Variants in CEACAM1 observed in about 807,000 individuals in gnomAD.
CEACAM1 encodes CEA cell adhesion molecule 1, also known as cell adhesion molecule CEACAM1.
A neutral mutation model predicts 49.1 loss-of-function variants in CEACAM1; 31 were observed. That is an observed-to-expected ratio of 0.63 (90% CI 0.47 to 0.85). The LOEUF (loss-of-function observed/expected upper bound fraction) is 0.85, where lower values mean the gene tolerates loss of function less well. Ranked by LOEUF, CEACAM1 falls within the 40% of genes least tolerant of loss-of-function variation. CEACAM1 has a pLI of 0.00. For synonymous variants in CEACAM1, 244 were observed against 247.8 expected, an observed-to-expected ratio of 0.98 and a Z score of 0.14; for missense variants, 570 against 645.3, an observed-to-expected ratio of 0.88 and a Z score of 1.26.
Position 42,527,504 on chromosome 19 carries a change from A to AGAGTGT in CEACAM1, c.65-105_65-104insACACTC, listed in dbSNP as rs1360275105. On this transcript the variant is annotated intron_variant, in intron 1 of 8. Coordinates refer to ENST00000161559, the MANE Select transcript of CEACAM1 (RefSeq NM_001712.5). Reference sequence around the variant, plus strand: ...AGGTGTCTTCACCCCTCCACCTTGGAGTGTGTGTGTGTGTGTGTGTGTGTG... The same window carrying AGAGTGT: ...AGGTGTCTTCACCCCTCCACCTTGGAGAGTGTGTGTGTGTGTGTGTGTGTGTGTGTG... 7.0e-5 allele frequency: 50 copies of AGAGTGT among 715,622 alleles called. No individual in the cohort carries two copies. In the South Asian group the frequency reaches 1.1e-3, roughly 16 times the overall value. 44.3% of individuals were successfully genotyped at this position (715,622 alleles called of 1,614,324 possible).
chr19:42,522,654 C>T (rs762476454), intron 2 of CEACAM1, among the ~76,000 whole-genome samples: 15 of 148,544 alleles, frequency 1.0e-4, no homozygotes, highest in South Asian at 2.2e-4. Context: ...CTCTTCCTCC[C>T]GGGTTCAAGC....
At chr19:42,511,862 C>T (rs2041464596) in intron 6 of CEACAM1, among the ~76,000 whole-genome samples, 1 of 151,552 alleles carries the variant, frequency 6.6e-6, no homozygotes, top group Non-Finnish European at 1.5e-5. Context: ...TCTGTGCCTA[C>T]TTCTATCCTT....
At chr19:42,510,858 A>G in intron 8 of CEACAM1, 31 bp downstream of exon 8, 1 of 1,589,580 alleles carries the variant, frequency 6.3e-7, no homozygotes. Flanking sequence ...TTCCATGAGA[A>G]AATAAGCCCA....
rs1349855381 is a variant in CEACAM1 at position 42,522,053 on chromosome 19, G to A, written c.574C>T (p.Gln192Ter). The A allele has an allele frequency of 6.2e-7, 1 of 1,614,108 alleles. No homozygotes were observed. The highest frequency in any genetic ancestry group is 8.5e-7 in the Non-Finnish European group (1 of 1,180,044). Residue 192 changes from glutamine to a stop codon, truncating the protein, a stop_gained, in exon 3 of 9, where the codon CAG becomes TAG. Transcript: ENST00000161559. LOFTEE classifies it high-confidence loss of function. ...AGGGTCCTGTTGCCATTGGACAGCT[G>A]CAGCCTGGGACTGACCGGGAGGCTC... ...NQSLPVSPRLQLSNGNRTLTL... is the reference protein window; with the variant it reads ...NQSLPVSPRL
chr19:42,514,111 A>G (rs1044874533), intron 5 of CEACAM1, among the ~76,000 whole-genome samples: 1 of 146,688 alleles, frequency 6.8e-6, no homozygotes, highest in Non-Finnish European at 1.5e-5. Flanking sequence ...ACATGCCACC[A>G]CACCTGGCTA....
At chr19:42,514,592 A>G (rs2041552716) in intron 5 of CEACAM1, among the ~76,000 whole-genome samples, 2 of 152,094 alleles carry the variant, frequency 1.3e-5, no homozygotes, top group African/African-American at 4.8e-5. Flanking sequence ...TCTTGTTTAT[A>G]TCTGTTGCAA....
intron 5 of CEACAM1, among the ~76,000 whole-genome samples, chr19:42,515,395 C>T (rs2041575699): frequency 6.6e-6 from 1 of 152,120 alleles, no homozygotes; most frequent in South Asian, 2.1e-4. Context: ...AACTGTAGGC[C>T]AGGTACAGTG....
chr19:42,524,465 C>T (rs1005649125), intron 2 of CEACAM1, among the ~76,000 whole-genome samples: 14 of 152,148 alleles, frequency 9.2e-5, no homozygotes, highest in African/African-American at 7.2e-5. Flanking sequence ...AGGAGTCGCT[C>T]GTCCCTGTCC....
chr19:42,521,603 C>T, intron 3 of CEACAM1, 82 bp from the exon 4 acceptor site: 1 of 1,560,024 alleles, frequency 6.4e-7, no homozygotes, highest in Non-Finnish European at 8.7e-7. Context: ...CCACAGTGTT[C>T]CTCTCTACTA....
In CEACAM1 at chr19:42,521,529, A is replaced by G. The variant is rs1403081340; in HGVS notation, c.704-8T>C. 1 of 1,611,852 alleles carries G rather than the reference A, an allele frequency of 6.2e-7. No individual in the cohort carries two copies. Among genetic ancestry groups the G allele is most frequent in the Non-Finnish European group, 8.5e-7 (1 of 1,178,670 alleles). ...TGGGGGTGTCCGGGCCATCTGGAGC[A>G]AAGAGAATAAAGCCACAGGTGATGT... On this transcript the variant is annotated splice_polypyrimidine_tract_variant and splice_region_variant and intron_variant, in intron 3 of 8. Coordinates refer to ENST00000161559, the MANE Select transcript of CEACAM1 (RefSeq NM_001712.5).
rs2041747168 is a variant in CEACAM1 at position 42,521,522 on chromosome 19, C to T, written c.704-1G>A. ...GAAATGGTGGGGGTGTCCGGGCCATCTGGAGCAAAGAGAATAAAGCCACAG... is the reference window on the plus strand; with the variant it reads ...GAAATGGTGGGGGTGTCCGGGCCATTTGGAGCAAAGAGAATAAAGCCACAG... On this transcript the variant is annotated splice_acceptor_variant, in intron 3 of 8. Coordinates refer to ENST00000161559, the MANE Select transcript of CEACAM1 (RefSeq NM_001712.5). LOFTEE classifies it high-confidence loss of function. The T allele has an allele frequency of 6.2e-7, 1 of 1,612,970 alleles. No homozygotes were observed.
intron 4 of CEACAM1, chr19:42,519,464 C>T (rs1283860757): frequency 5.6e-6 from 3 of 536,142 alleles, no homozygotes; most frequent in East Asian, 3.2e-5. Flanking sequence ...GACCCCAGAT[C>T]GTCTCAGAGT....
At chr19:42,522,283 AT>A in intron 2 of CEACAM1, 81 bp from the exon 3 acceptor site, 40 of 1,555,496 alleles carry the variant, frequency 2.6e-5, no homozygotes, top group South Asian at 8.6e-5. Context: ...TTATTTATTT[AT>A]TTTTTTTGGA....
chr19:42,510,763 G>A (rs896652015), intron 8 of CEACAM1, 126 bp downstream of exon 8: 6 of 836,948 alleles, frequency 7.2e-6, no homozygotes, highest in Middle Eastern at 2.5e-4. Flanking sequence ...TTACAAATAC[G>A]TCTTTGTTGT....
chr19:42,510,849 TC>T (rs769611863), intron 8 of CEACAM1, 39 bp downstream of exon 8: 1 of 1,571,522 alleles, frequency 6.4e-7, no homozygotes, highest in Non-Finnish European at 8.8e-7. Context: ...CAGAATCATT[TC>T]CATGAGAAAA....
chr19:42,526,100 C>T (rs962995685), intron 2 of CEACAM1, among the ~76,000 whole-genome samples: 11 of 152,056 alleles, frequency 7.2e-5, no homozygotes, highest in Non-Finnish European at 1.5e-4. Context: ...GGATTACAGG[C>T]ACGCACCACC....
At chr19:42,517,332 A>G (rs1277062993) in intron 5 of CEACAM1, among the ~76,000 whole-genome samples, 1 of 152,236 alleles carries the variant, frequency 6.6e-6, no homozygotes, top group Non-Finnish European at 1.5e-5. Context: ...AATTGGACTT[A>G]ATGAAAATTA....
chr19:42,511,055 A>T, intron 7 of CEACAM1, 135 bp from the exon 8 acceptor site: 1 of 788,394 alleles, frequency 1.3e-6, no homozygotes. Flanking sequence ...CTCAGAGTGT[A>T]TGGTCCAGAC....
At chr19:42,513,840 A>G (rs1216139260) in intron 5 of CEACAM1, among the ~76,000 whole-genome samples, 1 of 141,456 alleles carries the variant, frequency 7.1e-6, no homozygotes, top group African/African-American at 2.7e-5. Flanking sequence ...CCCCTTTCCC[A>G]TATTTGATCA....
Sources: gnomAD v4.1 joint callset for allele counts (sites outside exome capture counted in the v4.1 genomes callset) on GRCh38, gnomAD v4.1.1 for gene constraint, MANE v1.5 for transcripts, NCBI Gene and HGNC (gene_info 2026-07-23, HGNC 2026-07-21) for gene names.